Variants in CLTCL1 observed in about 807,000 individuals in gnomAD.
CLTCL1 encodes clathrin heavy chain 2.
A neutral mutation model predicts 190.0 loss-of-function variants in CLTCL1; 159 were observed. That is an observed-to-expected ratio of 0.84 (90% CI 0.74 to 0.95). The LOEUF (loss-of-function observed/expected upper bound fraction) is 0.95, where lower values mean the gene tolerates loss of function less well. Among genes scored for constraint, CLTCL1 ranks in the 40% least tolerant of loss-of-function variants. The pLI, the probability that CLTCL1 is intolerant of heterozygous loss-of-function variation, is 0.00. For missense variants in CLTCL1, 1,878 were observed against 2,033.4 expected, an observed-to-expected ratio of 0.92 and a Z score of 1.47; for synonymous variants, 752 against 769.6, an observed-to-expected ratio of 0.98 and a Z score of 0.38.
chr22:19,225,568 C>T lies in CLTCL1; in HGVS notation c.2013G>A (p.Leu671=), dbSNP rs367815723. ...GAAGGTTCTGTCTGATGTTAGCAGA[C>T]AGCATGGCATGCAGACACTCCACAG... ...EDSVECLHAM[L]SANIRQNLQL... The change falls in exon 13 of 33, where the codon CTG becomes CTA. Residue 671 remains leucine, a synonymous_variant. Coordinates refer to ENST00000427926, the MANE Select transcript of CLTCL1 (RefSeq NM_007098.4). 1.1e-4 allele frequency: 172 copies of T among 1,585,396 alleles called. 1 individual carries two copies. Among genetic ancestry groups the T allele is most frequent in the Middle Eastern group, 3.3e-4 (2 of 6,056 alleles).
chr22:19,214,234 C>G (rs1265451779), intron 19 of CLTCL1, among the ~76,000 whole-genome samples: 1 of 152,190 alleles, frequency 6.6e-6, no homozygotes, highest in African/African-American at 2.4e-5. Flanking sequence ...CGTCAGAGGT[C>G]CAGCTGTTCA....
chr22:19,273,623 CTCTT>C lies in CLTCL1; in HGVS notation c.250+1996_250+1999del, dbSNP rs146058685. Among the ~76,000 whole-genome samples the C allele has an allele frequency of 9.5e-3, 1,452 of 152,262 alleles. 20 individuals are homozygous for C. Among genetic ancestry groups the C allele is most frequent in the African/African-American group, 0.033 (1,353 of 41,536 alleles). ...CAACTCACAAAATACCAACACGCCT[CTCTT>C]TCAGCTAAAATGAGTGACTGCTACT... On this transcript the variant is annotated intron_variant, in intron 2 of 32. Coordinates refer to ENST00000427926, the MANE Select transcript of CLTCL1 (RefSeq NM_007098.4).
chr22:19,283,124 G>A (rs575617143), intron 1 of CLTCL1, among the ~76,000 whole-genome samples: 97 of 151,610 alleles, frequency 6.4e-4, no homozygotes, highest in South Asian at 3.7e-3. Flanking sequence ...CACCCGCCTC[G>A]GCCTCCCAAA....
rs1280204879 is a variant in CLTCL1, at chr22:19,193,329, G to A, written c.4192-1894C>T. 3.3e-5 allele frequency among the ~76,000 whole-genome samples: 5 copies of A among 152,336 alleles called. No homozygotes were observed. The East Asian group carries it at 9.7e-4, about 29-fold the overall frequency. ...GTTCCCACCCAGTTCCTCTGGTGTT[G>A]AGGCCTGCAGGGACACACATCTCTG... On this transcript the variant is annotated intron_variant, in intron 26 of 32. Transcript: ENST00000427926.
At chr22:19,207,785 A>T (rs1555943580) in intron 22 of CLTCL1, 1 of 580,420 alleles carries the variant, frequency 1.7e-6, no homozygotes, top group East Asian at 2.8e-5. Context: ...TGAACAGCAC[A>T]CGCGAGGATC....
chr22:19,259,395 GT>G (rs1347183192), intron 2 of CLTCL1, among the ~76,000 whole-genome samples: 2 of 149,546 alleles, frequency 1.3e-5, no homozygotes, highest in East Asian at 4.1e-4. Context: ...CGTTTTTTTT[GT>G]TTTGTGAACA....
chr22:19,244,137 T>A (rs1349954782), intron 3 of CLTCL1, among the ~76,000 whole-genome samples: 1 of 152,246 alleles, frequency 6.6e-6, no homozygotes, highest in East Asian at 1.9e-4. Flanking sequence ...CTGAGTGAGC[T>A]CACATATAGT....
intron 3 of CLTCL1, among the ~76,000 whole-genome samples, chr22:19,244,942 C>T (rs544888289): frequency 6.6e-5 from 10 of 152,198 alleles, no homozygotes; most frequent in African/African-American, 1.4e-4. Flanking sequence ...TAAGAGTTTC[C>T]GGCAAGTACA....
rs112057743 is a variant in CLTCL1, at chr22:19,219,945, C to T, written c.2859G>A (p.Pro953=). 54 of 1,613,924 alleles carry T rather than the reference C, an allele frequency of 3.3e-5. No individual in the cohort carries two copies. The highest frequency in any genetic ancestry group is 2.1e-4 in the African/African-American group (16 of 74,938). The change falls in exon 18 of 33, where the codon CCG becomes CCA. Residue 953 remains proline (P), a synonymous_variant. Coordinates refer to ENST00000427926, the MANE Select transcript of CLTCL1 (RefSeq NM_007098.4). ...CCTCAAGGACGTGAGCCCAGAGCTC[C>T]GGATCCTTTCTGCATACCAGGTAGC... ...EARYLVCRKD[P]ELWAHVLEET...
At chr22:19,248,858 C>G (rs2146020341) in intron 3 of CLTCL1, among the ~76,000 whole-genome samples, 1 of 152,222 alleles carries the variant, frequency 6.6e-6, no homozygotes, top group Non-Finnish European at 1.5e-5. Flanking sequence ...CCTGGCCCTT[C>G]TAAGAGTTTT....
At chr22:19,267,739 C>T (rs2087165271) in intron 2 of CLTCL1, among the ~76,000 whole-genome samples, 1 of 151,880 alleles carries the variant, frequency 6.6e-6, no homozygotes, top group South Asian at 2.1e-4. Flanking sequence ...ACTAAGCATA[C>T]AAAAAACTAG....
intron 2 of CLTCL1, chr22:19,258,315 C>A (rs1258162292): frequency 1.3e-5 from 5 of 393,566 alleles, no homozygotes; most frequent in Non-Finnish European, 2.4e-5. Flanking sequence ...CCTAGAGAAG[C>A]TGGACAGGTA....
intron 2 of CLTCL1, among the ~76,000 whole-genome samples, chr22:19,255,124 C>A (rs1219351373): frequency 6.6e-6 from 1 of 151,974 alleles, no homozygotes; most frequent in Non-Finnish European, 1.5e-5. Flanking sequence ...GCATAAAGAT[C>A]AAAAAAGGAA....
chr22:19,228,552 A>C (rs1475278544), intron 11 of CLTCL1, among the ~76,000 whole-genome samples: 1 of 152,216 alleles, frequency 6.6e-6, no homozygotes, highest in Non-Finnish European at 1.5e-5. Context: ...TATTTCCTAG[A>C]GTTGGAATAT....
intron 11 of CLTCL1, among the ~76,000 whole-genome samples, chr22:19,229,195 C>T (rs561262325): frequency 1.3e-5 from 2 of 152,162 alleles, no homozygotes; most frequent in South Asian, 4.1e-4. Context: ...CCCAAATGTT[C>T]ATCAATGGAT....
chr22:19,194,431 A>G lies in CLTCL1; in HGVS notation c.4191+1835T>C, dbSNP rs146417894. ...TGGGAGGCGGAGGTTGCAGTGAGCC[A>G]AGATCGCGCCACTGCACTCCAGCCT... On this transcript the variant is annotated intron_variant, in intron 26 of 32. Transcript: ENST00000427926. 9.4e-3 allele frequency among the ~76,000 whole-genome samples: 1,435 copies of G among 152,334 alleles called. 33 individuals are homozygous for G. The highest frequency in any genetic ancestry group is 0.068 in the East Asian group (355 of 5,188).
At chr22:19,215,374 G>C (rs1369531709) in intron 19 of CLTCL1, among the ~76,000 whole-genome samples, 2 of 152,224 alleles carry the variant, frequency 1.3e-5, no homozygotes, top group Non-Finnish European at 1.5e-5. Flanking sequence ...CTTATGATGT[G>C]AGTTGATTAA....
Position 19,234,567 on chromosome 22 carries a change from G to A in CLTCL1, c.1109C>T (p.Thr370Ile), listed in dbSNP as rs1555960943. The A allele has an allele frequency of 1.9e-6, 3 of 1,614,014 alleles. No individual in the cohort carries two copies. Among genetic ancestry groups the A allele is most frequent in the East Asian group, 2.2e-5 (1 of 44,886 alleles). ...AEKLFVRKFN[T>I]LFAQGSYAEA... Reference sequence around the variant, plus strand: ...AGCATAGCTGCCCTGTGCAAAGAGGGTATTGAATTTTCTCACAAACAACTT... The same window carrying A: ...AGCATAGCTGCCCTGTGCAAAGAGGATATTGAATTTTCTCACAAACAACTT... Residue 370 changes from threonine (T) to isoleucine (I), a missense_variant, in exon 7 of 33, where the codon ACC becomes ATC. Transcript: ENST00000427926.
chr22:19,223,998 G>C lies in CLTCL1; in HGVS notation c.2185C>G (p.Leu729Val). The C allele has an allele frequency of 6.2e-7, 1 of 1,613,994 alleles. No individual in the cohort carries two copies. Among genetic ancestry groups the C allele is most frequent in the Non-Finnish European group, 8.5e-7 (1 of 1,179,900 alleles). The change falls in exon 14 of 33, where the codon CTG (leucine) becomes GTG (valine). Residue 729 changes from leucine to valine, a missense_variant. Transcript: ENST00000427926. ...VNFSQDPDVH[L>V]KYIQAACKTG... ...TTACAGGCAGCCTGAATGTATTTCAGATGCACATCTGGGTCTTGGCTGAAG... is the reference window on the plus strand; with the variant it reads ...TTACAGGCAGCCTGAATGTATTTCACATGCACATCTGGGTCTTGGCTGAAG...
Sources: allele counts gnomAD v4.1 joint callset (sites outside exome capture counted in the v4.1 genomes callset), GRCh38; gene constraint gnomAD v4.1.1; transcripts MANE v1.5; gene names NCBI Gene and HGNC (gene_info 2026-07-23, HGNC 2026-07-21).